The following WDFY3 variants were observed in gnomAD, a reference collection of about 807,000 sequenced individuals.
WDFY3 encodes WD repeat and FYVE domain containing 3.
Under a neutral mutation model 409.6 loss-of-function variants are expected in WDFY3, and 66 were observed. That is an observed-to-expected ratio of 0.16 (90% CI 0.13 to 0.20). The LOEUF (loss-of-function observed/expected upper bound fraction) is 0.20. Among genes scored for constraint, WDFY3 ranks in the 10% least tolerant of loss-of-function variants. The probability of loss-of-function intolerance (pLI) is 1.00; values close to 1 mark genes in which losing one functional copy is unlikely to be tolerated. For missense variants in WDFY3, 3,031 were observed against 4,298.1 expected, an observed-to-expected ratio of 0.71 and a Z score of 8.24; for synonymous variants, 1,521 against 1,537.1, an observed-to-expected ratio of 0.99 and a Z score of 0.25.
At chr4:84,807,968 AT>A (rs1751794604) in intron 15 of WDFY3, among the ~76,000 whole-genome samples, 1 of 152,200 alleles carries the variant, frequency 6.6e-6, no homozygotes, top group Non-Finnish European at 1.5e-5. Context: ...TAAAAAAAAA[AT>A]GAAAAATAAA....
chr4:84,799,685 G>GT (rs912038637), intron 17 of WDFY3, among the ~76,000 whole-genome samples: 1 of 150,768 alleles, frequency 6.6e-6, no homozygotes, highest in Non-Finnish European at 1.5e-5. Context: ...ATAACATCAT[G>GT]TTAAAAAAAA....
At chr4:84,730,211 A>G (rs182824791) in intron 44 of WDFY3, among the ~76,000 whole-genome samples, 3 of 152,314 alleles carry the variant, frequency 2.0e-5, no homozygotes, top group Admixed American at 2.0e-4. Context: ...CTTAAACTGC[A>G]TAAACTACAG....
intron 29 of WDFY3, among the ~76,000 whole-genome samples, chr4:84,773,367 C>A (rs1215511424): frequency 1.3e-5 from 2 of 152,104 alleles, no homozygotes; most frequent in Non-Finnish European, 2.9e-5. Flanking sequence ...GTTTCAAAAA[C>A]CAAACAACAT....
chr4:84,860,261 A>G (rs1323705587), intron 4 of WDFY3, 151 bp downstream of exon 4: 2 of 872,366 alleles, frequency 2.3e-6, no homozygotes, highest in East Asian at 5.4e-5. Context: ...ACACTGCTTT[A>G]TAGCAAATTG....
intron 1 of WDFY3, among the ~76,000 whole-genome samples, chr4:84,935,215 C>G (rs1181840895): frequency 1.3e-5 from 2 of 152,034 alleles, no homozygotes; most frequent in South Asian, 2.1e-4. Context: ...CACATGTGTC[C>G]GAGTTTCTCT....
At chr4:84,850,440 C>A (rs1319092945) in intron 4 of WDFY3, among the ~76,000 whole-genome samples, 9 of 152,042 alleles carry the variant, frequency 5.9e-5, no homozygotes, top group Admixed American at 5.9e-4. Flanking sequence ...CCTCAGCCTG[C>A]CAAGTAGCTG....
intron 5 of WDFY3, chr4:84,844,486 G>C (rs1284102839): frequency 7.8e-7 from 1 of 1,289,474 alleles, no homozygotes; most frequent in Non-Finnish European, 1.0e-6. Context: ...AAATCCTTGG[G>C]GGACAGCAGG....
At chr4:84,714,490 A>C (rs1450567037) in intron 50 of WDFY3, among the ~76,000 whole-genome samples, 2 of 152,188 alleles carry the variant, frequency 1.3e-5, no homozygotes, top group African/African-American at 4.8e-5. Context: ...TAACTGCTTT[A>C]TTTAGCTATA....
At chr4:84,893,197 C>G in intron 3 of WDFY3, among the ~76,000 whole-genome samples, 1 of 152,328 alleles carries the variant, frequency 6.6e-6, no homozygotes, top group Non-Finnish European at 1.5e-5. Flanking sequence ...CTCCTCTATT[C>G]TGCTGCTTCT....
chr4:84,948,988 G>A (rs1773257333), intron 1 of WDFY3, among the ~76,000 whole-genome samples: 2 of 152,044 alleles, frequency 1.3e-5, no homozygotes, highest in South Asian at 4.2e-4. Flanking sequence ...TTAATAGGTT[G>A]ACTGAATTAT....
intron 3 of WDFY3, among the ~76,000 whole-genome samples, chr4:84,880,674 C>CACATATATAT (rs1218696740): frequency 1.2e-4 from 6 of 50,356 alleles, no homozygotes; most frequent in Non-Finnish European, 1.3e-4. Context: ...GGGAACCATA[C>CACATATATAT]ATATATATAT....
At chr4:84,828,152 A>C (rs921480084) in intron 9 of WDFY3, among the ~76,000 whole-genome samples, 2 of 152,150 alleles carry the variant, frequency 1.3e-5, no homozygotes, top group Non-Finnish European at 1.5e-5. Context: ...GTGGTGTCTT[A>C]TAATAGATCA....
chr4:84,916,083 A>G (rs1768444798), intron 2 of WDFY3, among the ~76,000 whole-genome samples: 2 of 152,222 alleles, frequency 1.3e-5, no homozygotes, highest in South Asian at 2.1e-4. Context: ...CACACTGGAT[A>G]GGTACAAGAC....
At chr4:84,868,761 T>G (rs1370555878) in intron 3 of WDFY3, among the ~76,000 whole-genome samples, 1 of 152,174 alleles carries the variant, frequency 6.6e-6, no homozygotes, top group African/African-American at 2.4e-5. Flanking sequence ...CACCGCTATC[T>G]TGGGAGCGGA....
rs533105956 is a variant in WDFY3, at chr4:84,966,014, C to G, written c.-226+195G>C. On this transcript the variant is annotated intron_variant, in intron 1 of 67. Coordinates refer to ENST00000295888, the MANE Select transcript of WDFY3 (RefSeq NM_014991.6). ...GCCAGGCCGCCCACCCTGGCGGCGG[C>G]GGCGGCTCCCGGCCAAGGCGGACCC... Among the ~76,000 whole-genome samples, 18 of 152,062 alleles carry G rather than the reference C, an allele frequency of 1.2e-4. No homozygotes were observed. In the South Asian group the frequency reaches 3.5e-3, roughly 30 times the overall value.
intron 3 of WDFY3, among the ~76,000 whole-genome samples, chr4:84,872,296 C>T (rs1762229729): frequency 6.6e-6 from 1 of 151,856 alleles, no homozygotes; most frequent in South Asian, 2.1e-4. Context: ...GAAACCCCAT[C>T]TATACTAAAA....
At chr4:84,849,696 G>A (rs1758615405) in intron 5 of WDFY3, 3 of 532,526 alleles carry the variant, frequency 5.6e-6, no homozygotes, top group Non-Finnish European at 6.2e-6. Flanking sequence ...AGTGGTCCAG[G>A]CAGAGTAGCC....
intron 59 of WDFY3, 90 bp downstream of exon 59, chr4:84,692,795 T>C (rs1178224456): frequency 8.6e-6 from 11 of 1,286,112 alleles, no homozygotes; most frequent in Middle Eastern, 2.1e-4. Context: ...AATTATGCTA[T>C]CGTCAAAAAG....
intron 1 of WDFY3, among the ~76,000 whole-genome samples, chr4:84,941,805 T>G (rs949498267): frequency 2.4e-4 from 36 of 152,066 alleles, no homozygotes; most frequent in African/African-American, 8.7e-4. Flanking sequence ...CAAGATAGTG[T>G]GGCAGTGGTA....
Sources: allele counts gnomAD v4.1 joint callset (sites outside exome capture counted in the v4.1 genomes callset), GRCh38; gene constraint gnomAD v4.1.1; transcripts MANE v1.5; gene names NCBI Gene and HGNC (gene_info 2026-07-23, HGNC 2026-07-21).